Variants in GLI3 observed in about 807,000 individuals in gnomAD.
GLI3 encodes the protein GLI family zinc finger 3, also known as transcription activator GLI3.
GLI3 carries 20 observed loss-of-function variants against 100.8 expected under a neutral mutation model. The observed-to-expected ratio is 0.20, with a 90% CI of 0.14 to 0.29. GLI3 has a LOEUF of 0.29. GLI3 is among the 10% of genes least tolerant of loss of function. The pLI, the probability that GLI3 is intolerant of heterozygous loss-of-function variation, is 1.00. For synonymous variants in GLI3, 938 were observed against 860.5 expected (o/e 1.09, Z -1.58); for missense variants, 2,040 against 2,128.5 (o/e 0.96, Z 0.82).
rs1787153914 is a variant in GLI3 at position 41,965,798 on chromosome 7, A to G, written c.3275T>C (p.Leu1092Pro). 2.5e-6 allele frequency: 4 copies of G among 1,612,998 alleles called. No homozygotes were observed. The highest frequency in any genetic ancestry group is 3.4e-6 in the Non-Finnish European group (4 of 1,179,948). Residue 1092 changes from leucine to proline, a missense_variant, in exon 15 of 15, where the codon CTG becomes CCG. Leu to Pro is a moderately conservative substitution (Grantham distance 98, BLOSUM62 -3). Coordinates refer to ENST00000395925, the MANE Select transcript of GLI3 (RefSeq NM_000168.6). Reference protein sequence around the residue: ...ADANLNDEDFLPDDVVQYLNS... With the variant: ...ADANLNDEDFPPDDVVQYLNS... ...TAAATACTGCACCACGTCGTCCGGC[A>G]GGAAATCCTCATCGTTCAGGTTGGC...
chr7:42,129,865 G>A (rs901552209), intron 3 of GLI3, among the ~76,000 whole-genome samples: 4 of 152,038 alleles, frequency 2.6e-5, no homozygotes, highest in Admixed American at 2.0e-4. Context: ...GGACACACCC[G>A]TGACAGTCAG....
At chr7:42,160,106 C>T (rs1787097742) in intron 2 of GLI3, among the ~76,000 whole-genome samples, 2 of 152,146 alleles carry the variant, frequency 1.3e-5, no homozygotes, top group South Asian at 4.1e-4. Flanking sequence ...AAACTTGCCC[C>T]TCTTACTTCA....
At chr7:42,143,569 A>G (rs1786625894) in intron 3 of GLI3, among the ~76,000 whole-genome samples, 1 of 152,264 alleles carries the variant, frequency 6.6e-6, no homozygotes, top group Non-Finnish European at 1.5e-5. Context: ...ACAGGTAGAA[A>G]AAAAATCTAT....
intron 2 of GLI3, among the ~76,000 whole-genome samples, chr7:42,214,640 G>A: frequency 6.7e-6 from 1 of 148,880 alleles, no homozygotes. Context: ...AAAGGGGAAA[G>A]ATGCTTCAAA....
At chr7:42,096,624 A>C (rs1485594093) in intron 3 of GLI3, among the ~76,000 whole-genome samples, 3 of 152,240 alleles carry the variant, frequency 2.0e-5, no homozygotes. Context: ...GCGGGTGTTC[A>C]GGGTCCCTTC....
intron 3 of GLI3, among the ~76,000 whole-genome samples, chr7:42,139,954 C>G (rs1416919650): frequency 6.6e-6 from 1 of 152,156 alleles, no homozygotes; most frequent in Non-Finnish European, 1.5e-5. Flanking sequence ...GAGAAACAAA[C>G]AGCTCCTCAC....
intron 2 of GLI3, among the ~76,000 whole-genome samples, chr7:42,182,726 A>T (rs1787641505): frequency 6.9e-6 from 1 of 145,450 alleles, no homozygotes; most frequent in African/African-American, 2.6e-5. Context: ...ATACACACAC[A>T]CACACACACA....
At chr7:42,073,683 G>A (rs887212215) in intron 4 of GLI3, among the ~76,000 whole-genome samples, 10 of 152,044 alleles carry the variant, frequency 6.6e-5, no homozygotes, top group African/African-American at 1.2e-4. Flanking sequence ...GAGATCTGTC[G>A]GCATTTCCAT....
chr7:42,069,651 A>T (rs1030798349), intron 4 of GLI3, among the ~76,000 whole-genome samples: 2 of 152,226 alleles, frequency 1.3e-5, no homozygotes, highest in Non-Finnish European at 2.9e-5. Context: ...AAAATAAAGC[A>T]GAGAAAGAAG....
At chr7:42,242,825 C>A (rs970418991), upstream of GLI3, among the ~76,000 whole-genome samples, 3 of 152,098 alleles carry the variant, frequency 2.0e-5, no homozygotes, top group East Asian at 1.9e-4. Context: ...ATAAGGAATT[C>A]TTATGAGGAA....
chr7:42,035,897 G>A (rs201408878), intron 7 of GLI3, among the ~76,000 whole-genome samples: 1 of 152,282 alleles, frequency 6.6e-6, no homozygotes, highest in African/African-American at 2.4e-5. Flanking sequence ...AGGTGATGGA[G>A]AAGCCACAAC....
intron 3 of GLI3, among the ~76,000 whole-genome samples, chr7:42,095,580 A>G (rs1195699680): frequency 6.6e-6 from 1 of 152,100 alleles, no homozygotes; most frequent in African/African-American, 2.4e-5. Flanking sequence ...GACACAGGAG[A>G]TGGGTGAGAA....
rs1269114422 is a variant in GLI3 at position 42,243,951 on chromosome 7, A to G, written c.-43+20043T>C. 2.6e-5 allele frequency among the ~76,000 whole-genome samples: 4 copies of G among 152,178 alleles called. No individual in the cohort carries two copies. In the East Asian group the frequency reaches 7.7e-4, roughly 29 times the overall value. On this transcript the variant is annotated intron_variant, in intron 1 of 2. Coordinates refer to the GLI3 transcript ENST00000678978. ...CGGGTTCAACCAATTTTCCTGCCTC[A>G]GCCTCCCGAGTAGCTGGGATTACAG...
chr7:42,170,287 T>TATATACACAC (rs1452471645), intron 2 of GLI3, among the ~76,000 whole-genome samples: 2 of 124,004 alleles, frequency 1.6e-5, no homozygotes, highest in African/African-American at 6.1e-5. Context: ...TATATATATA[T>TATATACACAC]ACACACACAT....
intron 1 of GLI3, among the ~76,000 whole-genome samples, chr7:42,227,358 C>G (rs1001122177): frequency 6.6e-6 from 1 of 150,844 alleles, no homozygotes; most frequent in African/African-American, 2.4e-5. Context: ...GAAAATTGCT[C>G]TAATGGTATA....
chr7:42,264,245 G>T (rs1331694653), upstream of GLI3, among the ~76,000 whole-genome samples: 1 of 152,134 alleles, frequency 6.6e-6, no homozygotes, highest in Admixed American at 6.5e-5. Flanking sequence ...TGCCAGTTAG[G>T]GCTCAAACCC....
chr7:42,093,642 A>G (rs917421891), intron 3 of GLI3, among the ~76,000 whole-genome samples: 5 of 152,206 alleles, frequency 3.3e-5, no homozygotes, highest in Admixed American at 6.5e-5. Context: ...AACTGTAATA[A>G]ATCATACAAG....
chr7:42,102,568 C>T (rs1051996204), intron 3 of GLI3, among the ~76,000 whole-genome samples: 1 of 152,250 alleles, frequency 6.6e-6, no homozygotes, highest in Admixed American at 6.5e-5. Context: ...AAAACCTCAA[C>T]AGCCCAGCCA....
chr7:42,085,927 C>T (rs1785093484), intron 3 of GLI3, among the ~76,000 whole-genome samples: 1 of 152,142 alleles, frequency 6.6e-6, no homozygotes, highest in African/African-American at 2.4e-5. Context: ...TGCTGGTTGG[C>T]AACTTTGTAG....
Sources: gnomAD v4.1 joint callset for allele counts (sites outside exome capture counted in the v4.1 genomes callset) on GRCh38, gnomAD v4.1.1 for gene constraint, MANE v1.5 for transcripts, NCBI Gene and HGNC (gene_info 2026-07-23, HGNC 2026-07-21) for gene names.